The following CMSS1 variants were observed in gnomAD, a reference collection of about 807,000 sequenced individuals.
CMSS1 encodes the protein protein CMSS1.
In CMSS1, 33 loss-of-function variants were observed where a neutral mutation model predicts 43.5. The ratio of observed to expected loss-of-function variants is 0.76; its 90% CI spans 0.57 to 1.01. The LOEUF is 1.01. Among genes scored for constraint, CMSS1 ranks in the 50% least tolerant of loss-of-function variants. The pLI, the probability that CMSS1 is intolerant of heterozygous loss-of-function variation, is 0.00. For synonymous variants in CMSS1, 115 were observed against 117.2 expected (o/e 0.98, Z 0.12); for missense variants, 313 against 326.4 (o/e 0.96, Z 0.32).
chr3:100,004,564 A>T (rs1001868946), intron 1 of CMSS1, among the ~76,000 whole-genome samples: 2 of 152,186 alleles, frequency 1.3e-5, no homozygotes, highest in Non-Finnish European at 2.9e-5. Flanking sequence ...GTAGTCAATT[A>T]TAAGGTCAAA....
At chr3:100,074,298 G>A (rs2065811614) in intron 1 of CMSS1, among the ~76,000 whole-genome samples, 1 of 152,086 alleles carries the variant, frequency 6.6e-6, no homozygotes, top group African/African-American at 2.4e-5. Context: ...GCAAGGCAAA[G>A]GTTTCCGTTG....
chr3:100,009,239 A>G (rs1710073755), intron 1 of CMSS1, among the ~76,000 whole-genome samples: 1 of 152,204 alleles, frequency 6.6e-6, no homozygotes, highest in Non-Finnish European at 1.5e-5. Context: ...CTACGGTATT[A>G]TCAAGAATAT....
intron 1 of CMSS1, among the ~76,000 whole-genome samples, chr3:99,918,198 G>A (rs1459418337): frequency 6.6e-6 from 1 of 151,940 alleles, no homozygotes; most frequent in Non-Finnish European, 1.5e-5. Context: ...GGCTGGTCTC[G>A]AACCCTTGAC....
At chr3:99,850,755 G>A in intron 1 of CMSS1, 1 of 1,614,170 alleles carries the variant, frequency 6.2e-7, no homozygotes, top group Non-Finnish European at 8.5e-7. Flanking sequence ...CCATAATTGT[G>A]TCTTGGTCTT....
At chr3:99,983,755 A>G (rs1017666844) in intron 1 of CMSS1, among the ~76,000 whole-genome samples, 1 of 151,484 alleles carries the variant, frequency 6.6e-6, no homozygotes, top group Admixed American at 6.6e-5. Context: ...CCAACTGTTC[A>G]GACCCCAATA....
intron 2 of CMSS1, among the ~76,000 whole-genome samples, chr3:100,148,473 C>T (rs1301953298): frequency 6.6e-6 from 1 of 152,134 alleles, no homozygotes; most frequent in Non-Finnish European, 1.5e-5. Flanking sequence ...ATTGTAGGTG[C>T]TTTAAACTCA....
At chr3:99,859,887 G>A (rs1478766658) in intron 1 of CMSS1, among the ~76,000 whole-genome samples, 9 of 152,078 alleles carry the variant, frequency 5.9e-5, no homozygotes, top group Admixed American at 1.3e-4. Flanking sequence ...GCTGTGACCC[G>A]TCTTTTTTAT....
Position 99,893,618 on chromosome 3 carries a change from G to A in CMSS1, c.64+75575G>A, listed in dbSNP as rs368386706. On this transcript the variant is annotated intron_variant, in intron 1 of 9. Transcript: ENST00000421999. ...TTTTTACTATCATGTAGGTATCTAA[G>A]AATTACATCATTTGTTTGACAAAAG... is the stretch of plus-strand genomic sequence containing the variant. Among the ~76,000 whole-genome samples, 1,212 of 152,206 alleles carry A rather than the reference G, an allele frequency of 8.0e-3. 9 individuals carry two copies. The highest frequency in any genetic ancestry group is 0.014 in the Admixed American group (209 of 15,292).
At chr3:99,847,049 T>C (rs1943396191) in intron 1 of CMSS1, among the ~76,000 whole-genome samples, 1 of 152,242 alleles carries the variant, frequency 6.6e-6, no homozygotes, top group South Asian at 2.1e-4. Context: ...AGGATTCGGC[T>C]GAGTTATTCT....
chr3:99,958,807 C>A (rs1460174677), intron 1 of CMSS1, among the ~76,000 whole-genome samples: 1 of 151,974 alleles, frequency 6.6e-6, no homozygotes, highest in East Asian at 1.9e-4. Context: ...AGAGAAGGGA[C>A]CAGAGGAGAT....
intron 1 of CMSS1, chr3:99,848,403 T>C: frequency 6.2e-7 from 1 of 1,614,212 alleles, no homozygotes; most frequent in Non-Finnish European, 8.5e-7. Flanking sequence ...AGCCTTGAGT[T>C]CGGTTATCCT....
intron 1 of CMSS1, among the ~76,000 whole-genome samples, chr3:99,918,306 T>C (rs1438015223): frequency 2.0e-5 from 3 of 152,132 alleles, no homozygotes; most frequent in African/African-American, 4.8e-5. Context: ...AACTAAAGAT[T>C]TGAGGAATGG....
intron 6 of CMSS1, among the ~76,000 whole-genome samples, chr3:100,169,714 T>C (rs766147648): frequency 3.9e-5 from 6 of 152,208 alleles, no homozygotes; most frequent in African/African-American, 9.7e-5. Flanking sequence ...AACATAATTA[T>C]CTTGAAGATT....
chr3:99,886,042 G>C (rs1314266408), intron 1 of CMSS1, among the ~76,000 whole-genome samples: 1 of 152,218 alleles, frequency 6.6e-6, no homozygotes, highest in Non-Finnish European at 1.5e-5. Context: ...GTGGATAAAA[G>C]AGGTATTACA....
chr3:99,921,441 C>CGT (rs1379511528), intron 1 of CMSS1, among the ~76,000 whole-genome samples: 4 of 152,096 alleles, frequency 2.6e-5, no homozygotes, highest in Non-Finnish European at 5.9e-5. Flanking sequence ...GAAGGGTGGA[C>CGT]GTGAATGGGC....
chr3:99,931,164 A>G, intron 1 of CMSS1: 1 of 694,136 alleles, frequency 1.4e-6, no homozygotes, highest in South Asian at 1.9e-5. Flanking sequence ...TGATGTCTAC[A>G]GCAGAGAAGG....
chr3:100,143,292 A>G (rs748553529), intron 1 of CMSS1, among the ~76,000 whole-genome samples: 5 of 152,224 alleles, frequency 3.3e-5, no homozygotes, highest in Non-Finnish European at 5.9e-5. Context: ...GCACTGGTTA[A>G]AAGTTCTAGC....
chr3:100,135,793 T>C (rs554381044), intron 1 of CMSS1, among the ~76,000 whole-genome samples: 1 of 152,170 alleles, frequency 6.6e-6, no homozygotes, highest in Admixed American at 6.5e-5. Context: ...GTTGAGGCAT[T>C]TTTCTTTAGT....
chr3:100,114,847 T>TAAGAA (rs1195242599), intron 1 of CMSS1: 2 of 778,470 alleles, frequency 2.6e-6, no homozygotes, highest in Non-Finnish European at 4.1e-6. Flanking sequence ...ACCCCTTCTT[T>TAAGAA]GACACCCATA....
Sources: gnomAD v4.1 joint callset for allele counts (sites outside exome capture counted in the v4.1 genomes callset) on GRCh38, gnomAD v4.1.1 for gene constraint, MANE v1.5 for transcripts, NCBI Gene and HGNC (gene_info 2026-07-23, HGNC 2026-07-21) for gene names.